The following EBAG9 variants were observed in gnomAD, a reference collection of about 807,000 sequenced individuals.
The protein encoded by EBAG9 is receptor-binding cancer antigen expressed on SiSo cells.
In EBAG9, 16 loss-of-function variants were observed where a neutral mutation model predicts 30.9. The observed-to-expected ratio is 0.52, with a 90% CI of 0.35 to 0.79. The LOEUF is 0.79. Ranked by LOEUF, EBAG9 falls within the 30% of genes least tolerant of loss-of-function variation. EBAG9 has a pLI of 0.01. For synonymous variants in EBAG9, 93 were observed against 82.8 expected (o/e 1.12, Z -0.67); for missense variants, 197 against 242.1 (o/e 0.81, Z 1.24).
chr8:109,561,054 T>A, intron 6 of EBAG9, 125 bp downstream of exon 6: 2 of 739,966 alleles, frequency 2.7e-6, no homozygotes, highest in African/African-American at 1.8e-5. Flanking sequence ...CCTTAGATAA[T>A]AAGGACTTTT....
chr8:109,547,782 G>T (rs1195951159), intron 1 of EBAG9, among the ~76,000 whole-genome samples: 1 of 151,994 alleles, frequency 6.6e-6, no homozygotes, highest in Non-Finnish European at 1.5e-5. Context: ...GCCTGGCCTT[G>T]TATATGTTTT....
intron 5 of EBAG9, among the ~76,000 whole-genome samples, chr8:109,560,237 G>A (rs529056820): frequency 4.6e-5 from 7 of 152,260 alleles, no homozygotes; most frequent in African/African-American, 1.7e-4. Context: ...ATGATACCAG[G>A]TAAGAAAGAC....
intron 2 of EBAG9, among the ~76,000 whole-genome samples, chr8:109,552,284 G>T (rs929674473): frequency 1.3e-5 from 2 of 150,200 alleles, no homozygotes; most frequent in Non-Finnish European, 3.0e-5. Flanking sequence ...AAAATCCAGG[G>T]TATTGCAAGA....
chr8:109,551,586 C>T (rs577868999), intron 2 of EBAG9, among the ~76,000 whole-genome samples: 3 of 152,312 alleles, frequency 2.0e-5, no homozygotes, highest in African/African-American at 7.2e-5. Context: ...AATACCTCAA[C>T]TCAAAGTAGT....
chr8:109,547,892 T>C (rs1011436650), intron 1 of EBAG9, among the ~76,000 whole-genome samples: 1 of 152,214 alleles, frequency 6.6e-6, no homozygotes, highest in African/African-American at 2.4e-5. Flanking sequence ...TGGGTTTAAG[T>C]CCCTTATTAG....
intron 6 of EBAG9, among the ~76,000 whole-genome samples, chr8:109,562,980 G>A (rs1040475109): frequency 6.6e-6 from 1 of 151,846 alleles, no homozygotes; most frequent in Non-Finnish European, 1.5e-5. Flanking sequence ...TATCTTACTT[G>A]TTTATAACCT....
In EBAG9 at chr8:109,554,741, G is replaced by C. The variant is rs1328732896; in HGVS notation, c.175G>C (p.Glu59Gln). The C allele has an allele frequency of 1.2e-6, 2 of 1,613,184 alleles. No individual in the cohort carries two copies. Among genetic ancestry groups the C allele is most frequent in the Admixed American group, 1.7e-5 (1 of 59,930 alleles). Residue 59 changes from glutamate to glutamine, a missense_variant, in exon 4 of 7, where the codon GAG (glutamate) becomes CAG (glutamine). Glu to Gln is a conservative substitution (Grantham distance 29, BLOSUM62 2). Transcript: ENST00000337573. Reference sequence around the variant, plus strand: ...CAATTAAATTTAGACAGATGTTGAAGAGTGGACTTCCTGGGATGAAGATGC... The same window carrying C: ...CAATTAAATTTAGACAGATGTTGAACAGTGGACTTCCTGGGATGAAGATGC... ...SSVPKQTDVE[E>Q]WTSWDEDAPT...
chr8:109,548,409 C>A (rs773797883), intron 1 of EBAG9, among the ~76,000 whole-genome samples: 1 of 152,080 alleles, frequency 6.6e-6, no homozygotes, highest in Non-Finnish European at 1.5e-5. Flanking sequence ...AGTCTTGAAA[C>A]CAGATAGTGC....
rs139993954 is a variant in EBAG9, at chr8:109,540,990, GAA to G, written c.-16+532_-16+533del. ...AGCAGTTTACCGAGAATTTCAACAA[GAA>G]AAGATATAATACATTTGATCTATCA... On this transcript the variant is annotated intron_variant, in intron 1 of 6. Transcript: ENST00000337573. 6.7e-3 allele frequency among the ~76,000 whole-genome samples: 1,026 copies of G among 152,198 alleles called. 16 individuals are homozygous for G. The highest frequency in any genetic ancestry group is 0.021 in the African/African-American group (890 of 41,534).
chr8:109,555,772 G>A (rs1220066823), intron 4 of EBAG9, among the ~76,000 whole-genome samples: 1 of 151,966 alleles, frequency 6.6e-6, no homozygotes, highest in Non-Finnish European at 1.5e-5. Context: ...GGGAATTACT[G>A]GAAAAAACAG....
rs1821543978 is a variant in EBAG9, at chr8:109,553,912, C to T, written c.131C>T (p.Thr44Ile). The T allele has an allele frequency of 3.1e-6, 5 of 1,609,492 alleles. No individual in the cohort carries two copies. In the African/African-American group the frequency reaches 6.7e-5, roughly 22 times the overall value. ...KLSGDQITLP[T>I]TVDYSSVPKQ... ...AGTGGAGACCAAATAACTTTGCCAA[C>T]TACAGTTGATTATTCATCAGTTCCT... Residue 44 changes from threonine to isoleucine, a missense_variant, in exon 3 of 7, where the codon ACT (threonine) becomes ATT (isoleucine). Thr to Ile is a moderately conservative substitution (Grantham distance 89). Transcript: ENST00000337573.
Position 109,550,799 on chromosome 8 carries a change from C to G in EBAG9, c.-15-11C>G. Reference sequence around the variant, plus strand: ...ATTTAATGCATTTTTTGTTTTGTGCCTCTTCCACAGGTTTTGATTCCCACC... The same window carrying G: ...ATTTAATGCATTTTTTGTTTTGTGCGTCTTCCACAGGTTTTGATTCCCACC... On this transcript the variant is annotated splice_polypyrimidine_tract_variant and intron_variant, in intron 1 of 6. Coordinates refer to ENST00000337573, the MANE Select transcript of EBAG9 (RefSeq NM_004215.5). 6.5e-7 allele frequency: 1 copy of G among 1,539,854 alleles called. No individual in the cohort carries two copies. Among genetic ancestry groups the G allele is most frequent in the Non-Finnish European group, 8.9e-7 (1 of 1,119,982 alleles).
chr8:109,540,587 G>C (rs763931545), intron 1 of EBAG9, 126 bp downstream of exon 1: 1 of 152,162 alleles, frequency 6.6e-6, no homozygotes, highest in African/African-American at 2.4e-5. Flanking sequence ...CGCCCCAGTG[G>C]TGTCACATAC....
chr8:109,543,629 A>AT (rs971675520), intron 1 of EBAG9, among the ~76,000 whole-genome samples: 21 of 151,274 alleles, frequency 1.4e-4, no homozygotes, highest in Admixed American at 7.2e-4. Context: ...AGAGATGACC[A>AT]TTTTTTTTTA....
chr8:109,541,956 G>A (rs549978770), intron 1 of EBAG9, among the ~76,000 whole-genome samples: 5 of 152,298 alleles, frequency 3.3e-5, no homozygotes, highest in Non-Finnish European at 5.9e-5. Flanking sequence ...GGAAGTGGTA[G>A]TATCACTGAA....
intron 2 of EBAG9, 37 bp from the exon 3 acceptor site, chr8:109,553,828 G>A: frequency 6.5e-7 from 1 of 1,538,274 alleles, no homozygotes; most frequent in Non-Finnish European, 8.9e-7. Flanking sequence ...GCTTGTTTTG[G>A]TGGTTCTTGA....
At chr8:109,540,042 C>G (rs1239738581), upstream of EBAG9, 2 of 152,906 alleles carry the variant, frequency 1.3e-5, no homozygotes, top group Non-Finnish European at 2.9e-5. Flanking sequence ...CCTAGCCGCG[C>G]ACTTCCCGCC....
Position 109,554,870 on chromosome 8 carries a change from A to G in EBAG9, c.304A>G (p.Ile102Val). ...PDYFKDMTPT[I>V]RKTQKIVIKK... is the part of the protein sequence containing the mutation. ...CTATTTTAAGGACATGACACCAACT[A>G]TTAGGAAAACTCAGAAAGTATGTTA... is the stretch of plus-strand genomic sequence containing the variant. Residue 102 changes from isoleucine to valine, a missense_variant, in exon 4 of 7, where the codon ATT becomes GTT. Physicochemically the swap from Ile to Val is conservative, Grantham distance 29. Coordinates refer to ENST00000337573, the MANE Select transcript of EBAG9 (RefSeq NM_004215.5). 1.9e-6 allele frequency: 3 copies of G among 1,613,382 alleles called. No homozygotes were observed. The highest frequency in any genetic ancestry group is 2.2e-5 in the East Asian group (1 of 44,864).
upstream of EBAG9, chr8:109,539,727 TG>T (rs2131089555): frequency 6.6e-6 from 1 of 152,544 alleles, no homozygotes; most frequent in East Asian, 1.9e-4. Context: ...GGGGCGGCCA[TG>T]GCAGCTGCGC....
Sources: allele counts gnomAD v4.1 joint callset (sites outside exome capture counted in the v4.1 genomes callset), GRCh38; gene constraint gnomAD v4.1.1; transcripts MANE v1.5; gene names NCBI Gene and HGNC (gene_info 2026-07-23, HGNC 2026-07-21).